Variants in USP25 observed in about 807,000 individuals in gnomAD.
USP25 encodes the protein ubiquitin specific peptidase 25.
USP25 carries 85 observed loss-of-function variants against 158.5 expected under a neutral mutation model. That is an observed-to-expected ratio of 0.54 (90% CI 0.45 to 0.64). The LOEUF (loss-of-function observed/expected upper bound fraction) is 0.64, where lower values mean the gene tolerates loss of function less well. Among genes scored for constraint, USP25 ranks in the 30% least tolerant of loss-of-function variants. The pLI is 0.00. For missense variants in USP25, 1,242 were observed against 1,327.3 expected (o/e 0.94, Z 1.00); for synonymous variants, 464 against 460.4 (o/e 1.01, Z -0.10).
chr21:15,730,384 C>T lies in USP25; in HGVS notation c.-10C>T, dbSNP rs760696259. 1.4e-4 allele frequency: 177 copies of T among 1,247,490 alleles called. 2 individuals are homozygous for T. Among genetic ancestry groups the T allele is most frequent in the Admixed American group, 9.7e-4 (23 of 23,664 alleles). 77.3% of individuals were successfully genotyped at this position (1,247,490 alleles called of 1,614,324 possible). On this transcript the variant is annotated 5_prime_UTR_variant, in exon 1 of 26. Coordinates refer to ENST00000400183, the MANE Select transcript of USP25 (RefSeq NM_001283041.3). ...CCACCGCCGCCGCCGCCGCCGCCGC[C>T]GCGGGGGCCATGACCGTGGAGCAGA...
intron 20 of USP25, among the ~76,000 whole-genome samples, chr21:15,854,778 A>G (rs2039056633): frequency 1.3e-5 from 2 of 152,154 alleles, no homozygotes; most frequent in Non-Finnish European, 2.9e-5. Flanking sequence ...CCATCATCCC[A>G]CGTGAACGTC....
intron 22 of USP25, 137 bp downstream of exon 22, chr21:15,866,481 C>G (rs1436254764): frequency 4.3e-6 from 2 of 465,532 alleles, no homozygotes; most frequent in African/African-American, 2.0e-5. Context: ...AGTCAATGCT[C>G]AAGTAATTAA....
intron 10 of USP25, 84 bp downstream of exon 10, chr21:15,818,930 A>G: frequency 7.0e-7 from 1 of 1,419,554 alleles, no homozygotes; most frequent in South Asian, 1.4e-5. Flanking sequence ...CTAATTATAG[A>G]GCTACCTAAT....
At chr21:15,855,679 C>T (rs538705298) in intron 20 of USP25, among the ~76,000 whole-genome samples, 159 of 152,312 alleles carry the variant, frequency 1.0e-3, no homozygotes, top group Non-Finnish European at 1.9e-3. Flanking sequence ...AAGTCAGTTA[C>T]ACATCCTGCC....
chr21:15,741,320 A>G (rs1192059079), intron 1 of USP25, among the ~76,000 whole-genome samples: 2 of 148,174 alleles, frequency 1.3e-5, no homozygotes, highest in Non-Finnish European at 3.0e-5. Flanking sequence ...TTTGACCCAT[A>G]TATAATGTTA....
chr21:15,817,080 C>T (rs1443235459), intron 9 of USP25, among the ~76,000 whole-genome samples: 2 of 150,472 alleles, frequency 1.3e-5, no homozygotes, highest in Non-Finnish European at 3.0e-5. Flanking sequence ...TGCAGTGAGC[C>T]GAGATCACAC....
intron 4 of USP25, among the ~76,000 whole-genome samples, chr21:15,789,367 C>T (rs1363489998): frequency 2.0e-5 from 3 of 152,010 alleles, no homozygotes; most frequent in Non-Finnish European, 2.9e-5. Flanking sequence ...ATCAGATGTC[C>T]TCAAGTTTTC....
At chr21:15,860,969 TATATATAG>T (rs927678170) in intron 20 of USP25, among the ~76,000 whole-genome samples, 3 of 141,320 alleles carry the variant, frequency 2.1e-5, no homozygotes, top group Admixed American at 7.3e-5. Flanking sequence ...TATATATATA[TATATATAG>T]AGAGAGAGAG....
chr21:15,810,652 C>T (rs913239275), intron 8 of USP25, among the ~76,000 whole-genome samples: 1 of 152,134 alleles, frequency 6.6e-6, no homozygotes, highest in African/African-American at 2.4e-5. Flanking sequence ...TACCTCGTTC[C>T]CTCCCTGGTG....
At chr21:15,817,761 G>A (rs1331261089) in intron 9 of USP25, among the ~76,000 whole-genome samples, 1 of 151,178 alleles carries the variant, frequency 6.6e-6, no homozygotes, top group African/African-American at 2.4e-5. Context: ...TCACTACCAC[G>A]AGAACGGTAT....
intron 5 of USP25, among the ~76,000 whole-genome samples, chr21:15,795,922 G>A (rs903171435): frequency 4.0e-5 from 6 of 151,312 alleles, no homozygotes; most frequent in Non-Finnish European, 7.4e-5. Context: ...ACGCTTCTCA[G>A]TCTTCTCCAC....
intron 1 of USP25, among the ~76,000 whole-genome samples, chr21:15,741,025 A>G (rs2032000737): frequency 6.6e-6 from 1 of 152,078 alleles, no homozygotes; most frequent in East Asian, 1.9e-4. Flanking sequence ...CACCTTTCTC[A>G]TTAATTATCA....
intron 1 of USP25, among the ~76,000 whole-genome samples, chr21:15,762,643 T>C (rs1247212293): frequency 3.3e-5 from 5 of 152,192 alleles, no homozygotes; most frequent in Admixed American, 2.0e-4. Context: ...TAAGACTTAT[T>C]GGGGAGTAAT....
intron 3 of USP25, among the ~76,000 whole-genome samples, chr21:15,777,318 A>T (rs926591677): frequency 6.6e-6 from 1 of 152,204 alleles, no homozygotes; most frequent in Non-Finnish European, 1.5e-5. Flanking sequence ...AAAGTGAAAG[A>T]TTCTTATACT....
At position 15,818,676 on chromosome 21, in the gene USP25, T is replaced by C. The variant is rs770465596; in HGVS notation, c.932-22T>C. The C allele has an allele frequency of 5.6e-6, 9 of 1,595,420 alleles. No homozygotes were observed. The East Asian group carries it at 1.1e-4, about 20-fold the overall frequency. On this transcript the variant is annotated intron_variant, in intron 9 of 25. Coordinates refer to ENST00000400183, the MANE Select transcript of USP25 (RefSeq NM_001283041.3). Reference sequence around the variant, plus strand: ...AGCCAGAAGGCCATATTGAGTATTATTAATTTTCTCCCTTCTTATAGGTAA... The same window carrying C: ...AGCCAGAAGGCCATATTGAGTATTACTAATTTTCTCCCTTCTTATAGGTAA...
intron 5 of USP25, among the ~76,000 whole-genome samples, chr21:15,797,088 A>C (rs1469767474): frequency 6.6e-6 from 1 of 151,432 alleles, no homozygotes; most frequent in Non-Finnish European, 1.5e-5. Context: ...AATCTGGAGA[A>C]TATTTTTCAG....
chr21:15,876,699 G>T (rs887942123), intron 24 of USP25: 11 of 152,112 alleles, frequency 7.2e-5, no homozygotes, highest in Admixed American at 6.5e-5. Context: ...ACACCTGGGG[G>T]TTACAATTCA....
intron 19 of USP25, among the ~76,000 whole-genome samples, chr21:15,849,533 T>G (rs2038788242): frequency 6.6e-6 from 1 of 152,184 alleles, no homozygotes; most frequent in South Asian, 2.1e-4. Context: ...GCAGGGTGCC[T>G]TTTTCAAATT....
chr21:15,796,235 G>C (rs934632837), intron 5 of USP25, among the ~76,000 whole-genome samples: 3 of 151,418 alleles, frequency 2.0e-5, no homozygotes, highest in Admixed American at 6.6e-5. Flanking sequence ...TAGGGTCTTT[G>C]GGACTTGAAA....
Sources: allele counts gnomAD v4.1 joint callset (sites outside exome capture counted in the v4.1 genomes callset), GRCh38; gene constraint gnomAD v4.1.1; transcripts MANE v1.5; gene names NCBI Gene and HGNC (gene_info 2026-07-23, HGNC 2026-07-21).